The following NPIPB2 variants were observed in gnomAD, a reference collection of about 807,000 sequenced individuals.
NPIPB2 encodes nuclear pore complex-interacting protein family member B2.
Under a neutral mutation model 30.8 loss-of-function variants are expected in NPIPB2, and 27 were observed. The ratio of observed to expected loss-of-function variants is 0.88; its 90% CI spans 0.65 to 1.21. The LOEUF (loss-of-function observed/expected upper bound fraction) is 1.21. Among genes scored for constraint, NPIPB2 ranks in the 50% most tolerant of loss-of-function variants. The pLI, the probability that NPIPB2 is intolerant of heterozygous loss-of-function variation, is 0.00. For missense variants in NPIPB2, 440 were observed against 446.2 expected, an observed-to-expected ratio of 0.99 and a Z score of 0.13; for synonymous variants, 147 against 162.0, an observed-to-expected ratio of 0.91 and a Z score of 0.70.
chr16:11,976,565 T>C (rs393329), intron 1 of NPIPB2: 196,144 of 360,184 alleles, frequency 0.54, 55,808 homozygotes, highest in Non-Finnish European at 0.59. Flanking sequence ...GTCTCGGGTT[T>C]ACCCTGAGTC....
At chr16:11,972,340 C>A (rs1013867370) in intron 1 of NPIPB2, among the ~76,000 whole-genome samples, 5 of 152,156 alleles carry the variant, frequency 3.3e-5, no homozygotes, top group African/African-American at 1.2e-4. Context: ...CTATGGGAGG[C>A]CGAGGTGGGC....
At chr16:11,931,882 C>T (rs1414292315) in intron 4 of NPIPB2, among the ~76,000 whole-genome samples, 5 of 152,284 alleles carry the variant, frequency 3.3e-5, no homozygotes, top group African/African-American at 7.2e-5. Context: ...AAGTCAGCTT[C>T]GCATTTGGAA....
intron 1 of NPIPB2, among the ~76,000 whole-genome samples, chr16:11,962,910 T>A (rs925255783): frequency 6.6e-6 from 1 of 151,588 alleles, no homozygotes; most frequent in Non-Finnish European, 1.5e-5. Context: ...GTACTAAAAA[T>A]ACAAATATTT....
intron 1 of NPIPB2, among the ~76,000 whole-genome samples, chr16:11,939,586 C>T (rs1292730091): frequency 3.2e-5 from 4 of 124,116 alleles, no homozygotes; most frequent in African/African-American, 8.9e-5. Flanking sequence ...AAAAAAATTA[C>T]CAAGGTGGAG....
chr16:11,963,020 T>C (rs965704534), intron 1 of NPIPB2, among the ~76,000 whole-genome samples: 1 of 152,056 alleles, frequency 6.6e-6, no homozygotes, highest in African/African-American at 2.4e-5. Context: ...ATCGCACTAC[T>C]GTACCCCAGC....
intron 1 of NPIPB2, among the ~76,000 whole-genome samples, chr16:11,939,143 T>C (rs1399555870): frequency 6.6e-6 from 1 of 152,102 alleles, no homozygotes; most frequent in African/African-American, 2.4e-5. Context: ...AGAATCCCTC[T>C]AAATAATACT....
At chr16:11,959,965 A>T (rs1245488355) in intron 1 of NPIPB2, among the ~76,000 whole-genome samples, 1 of 152,138 alleles carries the variant, frequency 6.6e-6, no homozygotes, top group Non-Finnish European at 1.5e-5. Context: ...TTGTAGAGAT[A>T]GGGTTTCCCT....
chr16:11,964,376 G>C (rs2055176980), intron 1 of NPIPB2, among the ~76,000 whole-genome samples: 1 of 151,588 alleles, frequency 6.6e-6, no homozygotes, highest in South Asian at 2.1e-4. Flanking sequence ...CAGTGGCATT[G>C]TGCGTCTTCC....
At chr16:11,944,140 GT>G (rs2054976224), upstream of NPIPB2, among the ~76,000 whole-genome samples, 1 of 151,174 alleles carries the variant, frequency 6.6e-6, no homozygotes, top group Non-Finnish European at 1.5e-5. Context: ...CAGAACACCA[GT>G]ACTGCCTGTG....
intron 1 of NPIPB2, among the ~76,000 whole-genome samples, chr16:11,950,668 C>T (rs2150926871): frequency 6.6e-6 from 1 of 152,250 alleles, no homozygotes; most frequent in Non-Finnish European, 1.5e-5. Flanking sequence ...CAGTGAACAA[C>T]TTGGGGGCCA....
exon 8 of NPIPB2, chr16:11,927,694 G>C (rs1301857861): frequency 1.9e-6 from 3 of 1,600,256 alleles, no homozygotes; most frequent in Admixed American, 1.7e-5. Flanking sequence ...CATCCGCTGA[G>C]GGTGGAAGGG....
At chr16:11,966,129 A>G (rs969897989) in intron 1 of NPIPB2, 8 of 1,446,606 alleles carry the variant, frequency 5.5e-6, no homozygotes, top group Non-Finnish European at 7.5e-6. Flanking sequence ...TAAATAAATA[A>G]TAACAATAAA....
chr16:11,948,342 T>C (rs557162279), intron 1 of NPIPB2, among the ~76,000 whole-genome samples: 2 of 152,184 alleles, frequency 1.3e-5, no homozygotes, highest in South Asian at 2.1e-4. Flanking sequence ...AATTGGTCAT[T>C]GTGCGTCTGT....
exon 1 of NPIPB2, chr16:11,976,614 G>T (rs76519517): frequency 5.4e-6 from 2 of 370,512 alleles, no homozygotes; most frequent in South Asian, 1.3e-4. Flanking sequence ...TCCACACCGG[G>T]TCCGGCGACT....
At chr16:11,947,552 G>A (rs1394295738) in intron 1 of NPIPB2, among the ~76,000 whole-genome samples, 1 of 151,538 alleles carries the variant, frequency 6.6e-6, no homozygotes, top group Non-Finnish European at 1.5e-5. Context: ...CACCGTATTA[G>A]CCAGGAGGGT....
intron 1 of NPIPB2, among the ~76,000 whole-genome samples, chr16:11,952,668 G>A (rs955206932): frequency 1.7e-4 from 26 of 150,702 alleles, no homozygotes; most frequent in Non-Finnish European, 5.9e-5. Context: ...GGATTCAAGC[G>A]ATTCTCCTTC....
At chr16:11,942,255 T>A (rs559409218), upstream of NPIPB2, 56 of 597,700 alleles carry the variant, frequency 9.4e-5, no homozygotes, top group South Asian at 2.4e-4. Flanking sequence ...TCTGATCATA[T>A]AACTGTGCTA....
At chr16:11,957,490 C>G (rs987964768) in intron 1 of NPIPB2, among the ~76,000 whole-genome samples, 4 of 151,832 alleles carry the variant, frequency 2.6e-5, no homozygotes, top group Non-Finnish European at 2.9e-5. Context: ...GACGGGGTTT[C>G]ACCATGTTGG....
At chr16:11,944,466 C>T (rs2054980814), upstream of NPIPB2, among the ~76,000 whole-genome samples, 1 of 151,666 alleles carries the variant, frequency 6.6e-6, no homozygotes, top group South Asian at 2.1e-4. Context: ...CACACCTGGC[C>T]TTAAATTTTT....
Sources: allele counts gnomAD v4.1 joint callset (sites outside exome capture counted in the v4.1 genomes callset), GRCh38; gene constraint gnomAD v4.1.1; transcripts MANE v1.5; gene names NCBI Gene and HGNC (gene_info 2026-07-23, HGNC 2026-07-21).